Variants in DGKI observed in about 807,000 individuals in gnomAD.
DGKI encodes the protein diacylglycerol kinase iota.
A neutral mutation model predicts 147.5 loss-of-function variants in DGKI; 55 were observed. That is an observed-to-expected ratio of 0.37 (90% confidence interval 0.30 to 0.47). DGKI has a LOEUF of 0.47. Ranked by LOEUF, DGKI falls within the 20% of genes least tolerant of loss-of-function variation. The pLI is 1.00. For synonymous variants in DGKI, 469 were observed against 477.1 expected (o/e 0.98, Z 0.22); for missense variants, 1,007 against 1,323.8 (o/e 0.76, Z 3.71).
intron 30 of DGKI, among the ~76,000 whole-genome samples, chr7:137,401,398 G>A (rs1319528895): frequency 6.6e-6 from 1 of 151,914 alleles, no homozygotes; most frequent in Admixed American, 6.6e-5. Flanking sequence ...GGGCGTGGTG[G>A]TACATGCCTG....
At chr7:137,750,142 G>A (rs1164978784) in intron 1 of DGKI, among the ~76,000 whole-genome samples, 1 of 152,182 alleles carries the variant, frequency 6.6e-6, no homozygotes, top group African/African-American at 2.4e-5. Flanking sequence ...AAGGAGGCAA[G>A]CACCAGAATA....
intron 1 of DGKI, among the ~76,000 whole-genome samples, chr7:137,706,883 A>G (rs1480359960): frequency 6.6e-6 from 1 of 152,116 alleles, no homozygotes; most frequent in Non-Finnish European, 1.5e-5. Context: ...AAACACCCTT[A>G]TTTTAAATAA....
At chr7:137,662,685 T>TC (rs200157791) in intron 3 of DGKI, among the ~76,000 whole-genome samples, 5,433 of 151,874 alleles carry the variant, frequency 0.036, 301 homozygotes, top group African/African-American at 0.12. Flanking sequence ...TCCTTAGAGG[T>TC]TCAATTGCAG....
intron 21 of DGKI, among the ~76,000 whole-genome samples, chr7:137,518,568 C>T (rs1334610017): frequency 6.6e-6 from 1 of 152,032 alleles, no homozygotes; most frequent in African/African-American, 2.4e-5. Context: ...TGTTAATTCC[C>T]TATCCTTATA....
intron 1 of DGKI, among the ~76,000 whole-genome samples, chr7:137,697,121 C>T (rs1392266356): frequency 2.0e-5 from 3 of 152,172 alleles, no homozygotes; most frequent in Non-Finnish European, 2.9e-5. Flanking sequence ...TGAGACAATA[C>T]ATTTTGGTTG....
At chr7:137,535,842 T>C (rs891492577) in intron 20 of DGKI, among the ~76,000 whole-genome samples, 1 of 152,266 alleles carries the variant, frequency 6.6e-6, no homozygotes, top group African/African-American at 2.4e-5. Flanking sequence ...ACAGGAACGA[T>C]TCCTCCACTG....
At chr7:137,627,517 C>T (rs1585302662) in intron 6 of DGKI, among the ~76,000 whole-genome samples, 1 of 152,172 alleles carries the variant, frequency 6.6e-6, no homozygotes, top group Non-Finnish European at 1.5e-5. Context: ...ACCCAAGCCA[C>T]CTGAAAATGT....
intron 2 of DGKI, among the ~76,000 whole-genome samples, chr7:137,687,060 C>A (rs997323619): frequency 6.6e-6 from 1 of 152,014 alleles, no homozygotes; most frequent in African/African-American, 2.4e-5. Context: ...TGAGATGACC[C>A]CCATTGATTC....
Position 137,597,315 on chromosome 7 carries a change from A to G in DGKI, c.1311+532T>C, listed in dbSNP as rs181137599. On this transcript the variant is annotated intron_variant, in intron 12 of 32. Coordinates refer to ENST00000614521, the MANE Select transcript of DGKI (RefSeq NM_001321708.2). ...CCAAACCTTGACTTGATCATTATACATTCTATGCATATAACAAAATATCAC... is the reference window on the plus strand; with the variant it reads ...CCAAACCTTGACTTGATCATTATACGTTCTATGCATATAACAAAATATCAC... Among the ~76,000 whole-genome samples the G allele has an allele frequency of 2.7e-3, 415 of 152,268 alleles. 2 individuals carry two copies. The highest frequency in any genetic ancestry group is 4.4e-3 in the Non-Finnish European group (297 of 68,002).
intron 27 of DGKI, among the ~76,000 whole-genome samples, chr7:137,462,311 G>A (rs1471675674): frequency 6.6e-6 from 1 of 152,100 alleles, no homozygotes; most frequent in Non-Finnish European, 1.5e-5. Flanking sequence ...GTATAAAAAG[G>A]AAATGGAAAA....
intron 3 of DGKI, among the ~76,000 whole-genome samples, chr7:137,660,826 A>G (rs1822398893): frequency 6.6e-6 from 1 of 151,930 alleles, no homozygotes; most frequent in South Asian, 2.1e-4. Flanking sequence ...TAAAGATGAA[A>G]AAGAGGGAAG....
chr7:137,707,025 C>T (rs972920759), intron 1 of DGKI, among the ~76,000 whole-genome samples: 9 of 152,188 alleles, frequency 5.9e-5, no homozygotes, highest in African/African-American at 1.7e-4. Context: ...TTTCCCCAGT[C>T]GTGACATGTT....
chr7:137,591,875 C>T lies in DGKI; in HGVS notation c.1312-4665G>A, dbSNP rs79583502. On this transcript the variant is annotated intron_variant, in intron 12 of 32. Coordinates refer to ENST00000614521, the MANE Select transcript of DGKI (RefSeq NM_001321708.2). ...CCATTTCTCCACTTAAAGTTGAGCC[C>T]TGAGTTTGCAAATCAGCCCCACCTT... 5.7e-3 allele frequency among the ~76,000 whole-genome samples: 863 copies of T among 152,240 alleles called. 4 individuals carry two copies. The highest frequency in any genetic ancestry group is 0.02 in the African/African-American group (831 of 41,554).
chr7:137,809,042 C>T (rs1224983682), intron 1 of DGKI, among the ~76,000 whole-genome samples: 1 of 152,138 alleles, frequency 6.6e-6, no homozygotes, highest in East Asian at 1.9e-4. Context: ...AGAATTGGGG[C>T]ACAGAGAGTT....
In DGKI at chr7:137,385,303, TCA is replaced by T. The variant is rs1164738416; in HGVS notation, c.*5915_*5916del. ...ATTCCCCTAGATATTTTTAAAATTCTCAGTTATAAAGCAAAGTTTAACAAATC... is the reference window on the plus strand; with the variant it reads ...ATTCCCCTAGATATTTTTAAAATTCTGTTATAAAGCAAAGTTTAACAAATC... On this transcript the variant is annotated 3_prime_UTR_variant, in exon 33 of 33. Coordinates refer to ENST00000614521, the MANE Select transcript of DGKI (RefSeq NM_001321708.2). 6.6e-6 allele frequency: 1 copy of T among 152,100 alleles called. No homozygotes were observed. The highest frequency in any genetic ancestry group is 2.4e-5 in the African/African-American group (1 of 41,452). The allele number at this position is 152,100 out of a possible 1,614,324, so 9.4% of individuals were successfully genotyped here.
chr7:137,462,508 A>G (rs141666524), intron 27 of DGKI, among the ~76,000 whole-genome samples: 3 of 152,204 alleles, frequency 2.0e-5, no homozygotes, highest in Admixed American at 6.5e-5. Context: ...AACTTTGCCA[A>G]TGAAATAATT....
intron 20 of DGKI, among the ~76,000 whole-genome samples, chr7:137,525,923 G>A (rs1201281576): frequency 6.6e-6 from 1 of 151,856 alleles, no homozygotes; most frequent in African/African-American, 2.4e-5. Flanking sequence ...CTGGTGGCAT[G>A]ACATTTTACA....
intron 6 of DGKI, among the ~76,000 whole-genome samples, chr7:137,639,488 G>A (rs1194886270): frequency 6.6e-6 from 1 of 152,132 alleles, no homozygotes; most frequent in African/African-American, 2.4e-5. Flanking sequence ...CATGATCAGG[G>A]AGCAAAGGGG....
At chr7:137,583,994 A>T (rs1007157759) in intron 14 of DGKI, among the ~76,000 whole-genome samples, 1 of 152,224 alleles carries the variant, frequency 6.6e-6, no homozygotes, top group African/African-American at 2.4e-5. Flanking sequence ...TAGCCAAGTT[A>T]GAAACTTGAA....
Sources: allele counts gnomAD v4.1 joint callset (sites outside exome capture counted in the v4.1 genomes callset), GRCh38; gene constraint gnomAD v4.1.1; transcripts MANE v1.5; gene names NCBI Gene and HGNC (gene_info 2026-07-23, HGNC 2026-07-21).